Variants in RSRC1 observed in about 807,000 individuals in gnomAD.
RSRC1 encodes serine/Arginine-related protein 53.
In RSRC1, 39 loss-of-function variants were observed where a neutral mutation model predicts 49.1. The observed-to-expected ratio is 0.79, with a 90% CI of 0.61 to 1.04. RSRC1 has a LOEUF of 1.04. RSRC1 is among the 50% of genes least tolerant of loss of function. RSRC1 has a pLI of 0.00. For synonymous variants in RSRC1, 143 were observed against 130.8 expected (o/e 1.09, Z -0.63); for missense variants, 388 against 402.4 (o/e 0.96, Z 0.31).
intron 4 of RSRC1, among the ~76,000 whole-genome samples, chr3:158,209,005 T>A (rs1201657770): frequency 6.6e-6 from 1 of 152,204 alleles, no homozygotes; most frequent in Non-Finnish European, 1.5e-5. Context: ...TGTGAACAAA[T>A]ATGTAAGTAG....
At chr3:158,354,345 A>G (rs1731046159) in intron 5 of RSRC1, among the ~76,000 whole-genome samples, 2 of 152,172 alleles carry the variant, frequency 1.3e-5, no homozygotes, top group South Asian at 4.1e-4. Context: ...TCACTGAAAA[A>G]GCAATTTTAG....
chr3:158,256,334 G>A (rs116071598), intron 4 of RSRC1, among the ~76,000 whole-genome samples: 18,356 of 152,140 alleles, frequency 0.12, 1,381 homozygotes, highest in Middle Eastern at 0.2. Context: ...GGTTTTTGTC[G>A]TTGGTTCTGT....
At chr3:158,405,045 C>T (rs1377846007) in intron 6 of RSRC1, among the ~76,000 whole-genome samples, 1 of 151,972 alleles carries the variant, frequency 6.6e-6, no homozygotes, top group South Asian at 2.1e-4. Flanking sequence ...CATAAAATGT[C>T]TGAACTTAAA....
chr3:158,510,160 T>C (rs753689108), intron 7 of RSRC1, among the ~76,000 whole-genome samples: 4 of 152,214 alleles, frequency 2.6e-5, no homozygotes, highest in Non-Finnish European at 5.9e-5. Context: ...GACTATAAAA[T>C]GTTATCTGAT....
chr3:158,208,467 G>C (rs1721473743), intron 4 of RSRC1, among the ~76,000 whole-genome samples: 1 of 152,094 alleles, frequency 6.6e-6, no homozygotes, highest in South Asian at 2.1e-4. Context: ...GGACTCCAGT[G>C]ATCCTCCCAC....
At chr3:158,325,098 G>C (rs1729042350) in intron 5 of RSRC1, among the ~76,000 whole-genome samples, 1 of 152,104 alleles carries the variant, frequency 6.6e-6, no homozygotes, top group African/African-American at 2.4e-5. Flanking sequence ...TTGTAACTTT[G>C]TTTGAGTTCT....
intron 4 of RSRC1, among the ~76,000 whole-genome samples, chr3:158,204,064 T>C (rs1203615963): frequency 6.6e-6 from 1 of 152,144 alleles, no homozygotes; most frequent in Non-Finnish European, 1.5e-5. Context: ...AATATATTTA[T>C]TGTAATACTT....
intron 5 of RSRC1, among the ~76,000 whole-genome samples, chr3:158,323,049 C>A (rs1178276967): frequency 6.6e-6 from 1 of 152,060 alleles, no homozygotes; most frequent in African/African-American, 2.4e-5. Context: ...CATTTCCACA[C>A]TTCCTTTTTT....
intron 6 of RSRC1, among the ~76,000 whole-genome samples, chr3:158,450,432 G>A (rs1334597011): frequency 1.3e-5 from 2 of 149,356 alleles, no homozygotes; most frequent in Non-Finnish European, 3.0e-5. Flanking sequence ...TAGTTACTAT[G>A]GACGCATATG....
intron 1 of RSRC1, among the ~76,000 whole-genome samples, chr3:158,119,361 ATATCTC>A (rs1559907037): frequency 4.6e-5 from 7 of 152,204 alleles, no homozygotes; most frequent in Non-Finnish European, 8.8e-5. Context: ...GTTTGTTGAC[ATATCTC>A]ATGTTCCTGT....
chr3:158,151,003 T>A (rs1717496532), intron 3 of RSRC1, among the ~76,000 whole-genome samples: 1 of 152,210 alleles, frequency 6.6e-6, no homozygotes. Flanking sequence ...ATATATTCCC[T>A]ATGAGTATTT....
At chr3:158,437,521 A>G (rs924227613) in intron 6 of RSRC1, among the ~76,000 whole-genome samples, 2 of 152,202 alleles carry the variant, frequency 1.3e-5, no homozygotes, top group South Asian at 2.1e-4. Flanking sequence ...ATGCAAATCA[A>G]TAAACGGAAT....
At chr3:158,400,206 G>A (rs1227201998) in intron 6 of RSRC1, among the ~76,000 whole-genome samples, 2 of 152,006 alleles carry the variant, frequency 1.3e-5, no homozygotes, top group Non-Finnish European at 2.9e-5. Flanking sequence ...TTTCATCATA[G>A]GTCATAGGTG....
intron 6 of RSRC1, among the ~76,000 whole-genome samples, chr3:158,416,536 A>G (rs1300423634): frequency 2.0e-5 from 3 of 151,920 alleles, no homozygotes; most frequent in African/African-American, 4.8e-5. Context: ...TGAATCCCCA[A>G]CTGACAGCCA....
intron 1 of RSRC1, among the ~76,000 whole-genome samples, chr3:158,117,746 C>T (rs1229328112): frequency 6.6e-6 from 1 of 152,166 alleles, no homozygotes; most frequent in Non-Finnish European, 1.5e-5. Context: ...CCCATTTCAG[C>T]GTTCAGAGTA....
At chr3:158,314,955 C>T (rs1316415000) in intron 5 of RSRC1, among the ~76,000 whole-genome samples, 2 of 151,568 alleles carry the variant, frequency 1.3e-5, no homozygotes, top group African/African-American at 2.4e-5. Flanking sequence ...TTGTTTGAAC[C>T]TGGGAGGCAG....
At chr3:158,118,825 G>A (rs192781318) in intron 1 of RSRC1, among the ~76,000 whole-genome samples, 10 of 152,264 alleles carry the variant, frequency 6.6e-5, no homozygotes, top group Admixed American at 2.6e-4. Flanking sequence ...TCATTATAGG[G>A]TGATTGGGTG....
intron 7 of RSRC1, among the ~76,000 whole-genome samples, chr3:158,532,420 C>T (rs1423023261): frequency 6.6e-6 from 1 of 151,762 alleles, no homozygotes; most frequent in Non-Finnish European, 1.5e-5. Flanking sequence ...TTGATATGGA[C>T]CTTGTCATCT....
intron 6 of RSRC1, among the ~76,000 whole-genome samples, chr3:158,455,439 T>C (rs1560050379): frequency 6.6e-6 from 1 of 152,064 alleles, no homozygotes; most frequent in Non-Finnish European, 1.5e-5. Flanking sequence ...ATAAAATACT[T>C]CCCCAAATCA....
Sources: allele counts gnomAD v4.1 joint callset (sites outside exome capture counted in the v4.1 genomes callset), GRCh38; gene constraint gnomAD v4.1.1; transcripts MANE v1.5; gene names NCBI Gene and HGNC (gene_info 2026-07-23, HGNC 2026-07-21).